THSD7A: variants seen among roughly 807,000 people sequenced by gnomAD.
THSD7A encodes the protein thrombospondin type-1 domain-containing protein 7A.
Under a neutral mutation model 231.3 loss-of-function variants are expected in THSD7A, and 96 were observed. That is an observed-to-expected ratio of 0.41 (90% CI 0.35 to 0.49). THSD7A has a LOEUF of 0.49. Ranked by LOEUF, THSD7A falls within the 20% of genes least tolerant of loss-of-function variation. The pLI is 0.05. For missense variants in THSD7A, 2,290 were observed against 2,070.2 expected (o/e 1.11, Z -2.06); for synonymous variants, 940 against 743.3 (o/e 1.26, Z -4.30).
intron 13 of THSD7A, among the ~76,000 whole-genome samples, chr7:11,445,362 T>C (rs1328799006): frequency 6.6e-6 from 1 of 152,154 alleles, no homozygotes; most frequent in Non-Finnish European, 1.5e-5. Flanking sequence ...TATATTAAGA[T>C]TGAATATATT....
At chr7:11,422,873 G>A (rs1784196640) in intron 16 of THSD7A, among the ~76,000 whole-genome samples, 1 of 152,130 alleles carries the variant, frequency 6.6e-6, no homozygotes. Context: ...GGATGGTCTT[G>A]ATTTCTTGAC....
Position 11,593,235 on chromosome 7 carries a change from C to G in THSD7A, c.1271+19G>C. 2 of 1,612,684 alleles carry G rather than the reference C, an allele frequency of 1.2e-6. No individual in the cohort carries two copies. The highest frequency in any genetic ancestry group is 1.7e-6 in the Non-Finnish European group (2 of 1,179,648). ...AAATGTAGTTTCGGCAGACGCTATA[C>G]CCTTCTTTATTTACTCACGTGGCAC... On this transcript the variant is annotated intron_variant, in intron 3 of 27. Transcript: ENST00000423059.
intron 1 of THSD7A, among the ~76,000 whole-genome samples, chr7:11,725,752 G>T (rs1433410772): frequency 2.0e-5 from 3 of 152,090 alleles, no homozygotes; most frequent in African/African-American, 4.8e-5. Flanking sequence ...ATACGCAGTT[G>T]TGTAAATGTG....
chr7:11,636,988 G>T lies in THSD7A; in HGVS notation c.191-27C>A, dbSNP rs368697325. The T allele has an allele frequency of 1.3e-6, 2 of 1,576,368 alleles. No individual in the cohort carries two copies. The highest frequency in any genetic ancestry group is 1.1e-5 in the South Asian group (1 of 87,412). On this transcript the variant is annotated intron_variant, in intron 1 of 27. Transcript: ENST00000423059. This position sits in a 1 kb window ranked among gnomAD's most constrained non-coding sequence, Gnocchi z 10.0. The stretch of plus-strand genomic sequence containing the variant: ...TACAAAAATTATAACACAAAAATTA[G>T]CAGTGCTACTAGAAGAAAACTACAA...
In THSD7A at chr7:11,503,680, T is replaced by C. The variant is rs554121379; in HGVS notation, c.1823-21698A>G. Among the ~76,000 whole-genome samples, 10 of 152,268 alleles carry C rather than the reference T, an allele frequency of 6.6e-5. No homozygotes were observed. The South Asian group carries it at 1.0e-3, about 16-fold the overall frequency. Reference sequence around the variant, plus strand: ...AACAGACACTTCTCAAAAGAAGACATACATGTGTCCAACAAGCATATGCAA... The same window carrying C: ...AACAGACACTTCTCAAAAGAAGACACACATGTGTCCAACAAGCATATGCAA... On this transcript the variant is annotated intron_variant, in intron 6 of 27. Coordinates refer to ENST00000423059, the MANE Select transcript of THSD7A (RefSeq NM_015204.3).
At chr7:11,546,853 A>G (rs1789421238) in intron 4 of THSD7A, among the ~76,000 whole-genome samples, 1 of 151,914 alleles carries the variant, frequency 6.6e-6, no homozygotes, top group African/African-American at 2.4e-5. Flanking sequence ...CTTTTTTAAG[A>G]AAAAAAACAA....
intron 6 of THSD7A, among the ~76,000 whole-genome samples, chr7:11,524,845 G>C (rs572318029): frequency 7.9e-5 from 12 of 152,244 alleles, no homozygotes; most frequent in Admixed American, 3.9e-4. Context: ...AAATCAACAT[G>C]AAACACTATT....
At chr7:11,611,884 ATCTG>A (rs1299496414) in intron 2 of THSD7A, among the ~76,000 whole-genome samples, 173 of 143,218 alleles carry the variant, frequency 1.2e-3, no homozygotes, top group African/African-American at 3.7e-3. Context: ...CTATCTATCT[ATCTG>A]TCTATCTTTC....
At chr7:11,778,647 T>A (rs1783524185) in intron 1 of THSD7A, among the ~76,000 whole-genome samples, 1 of 152,164 alleles carries the variant, frequency 6.6e-6, no homozygotes, top group Non-Finnish European at 1.5e-5. Flanking sequence ...GTATTAAGAT[T>A]AATATTTACA....
At chr7:11,596,912 A>G (rs1273785750) in intron 2 of THSD7A, among the ~76,000 whole-genome samples, 1 of 152,194 alleles carries the variant, frequency 6.6e-6, no homozygotes, top group Non-Finnish European at 1.5e-5. Flanking sequence ...ATCAGAAGCA[A>G]TTTGCCTTCA....
chr7:11,382,702 G>T, intron 23 of THSD7A, 86 bp from the exon 24 acceptor site: 1 of 998,608 alleles, frequency 1.0e-6, no homozygotes, highest in Non-Finnish European at 1.6e-6. Context: ...ACATATTACT[G>T]AAAAGTAATA....
intron 23 of THSD7A, among the ~76,000 whole-genome samples, chr7:11,392,007 C>T (rs1044161871): frequency 1.7e-4 from 26 of 152,254 alleles, no homozygotes; most frequent in Middle Eastern, 3.4e-3. Context: ...GCATTGATCT[C>T]GCTGGGATCT....
intron 1 of THSD7A, among the ~76,000 whole-genome samples, chr7:11,665,388 T>C (rs1247581888): frequency 6.6e-6 from 1 of 152,080 alleles, no homozygotes; most frequent in East Asian, 1.9e-4. Context: ...TAATAAGTGG[T>C]AAGGTTGAGA....
intron 4 of THSD7A, among the ~76,000 whole-genome samples, chr7:11,551,511 C>A (rs1789625385): frequency 6.6e-6 from 1 of 151,804 alleles, no homozygotes; most frequent in Non-Finnish European, 1.5e-5. Context: ...AATAAACAAC[C>A]CCATTAAAGA....
At position 11,412,793 on chromosome 7, in the gene THSD7A, T is replaced by C; in HGVS notation, c.3545A>G (p.Asn1182Ser). Residue 1182 changes from asparagine (N) to serine (S), a missense_variant, in exon 18 of 28, where the codon AAT (asparagine) becomes AGT (serine). By Grantham distance (46) the Asn-to-Ser change is conservative. Transcript: ENST00000423059. ...TGACCTTTGCCGGAAACTGCTTTGA[T>C]TGCAAGGCTTAAAAAGAACAGTACA... is the stretch of plus-strand genomic sequence containing the variant. ...GPWTQCVLPC[N>S]QSSFRQRSAD... 1 of 1,611,244 alleles carries C rather than the reference T, an allele frequency of 6.2e-7. No individual in the cohort carries two copies. Among genetic ancestry groups the C allele is most frequent in the Non-Finnish European group, 8.5e-7 (1 of 1,178,426 alleles).
At chr7:11,819,206 A>G (rs1784797215) in intron 1 of THSD7A, among the ~76,000 whole-genome samples, 1 of 152,222 alleles carries the variant, frequency 6.6e-6, no homozygotes, top group Non-Finnish European at 1.5e-5. Context: ...GTGGAGAAAT[A>G]GGAACTCTCA....
At chr7:11,616,971 C>T (rs1324020521) in intron 2 of THSD7A, among the ~76,000 whole-genome samples, 1 of 152,006 alleles carries the variant, frequency 6.6e-6, no homozygotes, top group African/African-American at 2.4e-5. Context: ...CAAGGATAAA[C>T]AGAAGAAAAC....
At chr7:11,524,395 G>C (rs1788388943) in intron 6 of THSD7A, among the ~76,000 whole-genome samples, 1 of 152,158 alleles carries the variant, frequency 6.6e-6, no homozygotes. Flanking sequence ...TTCAGCTGGA[G>C]CAGGTTTAAG....
intron 1 of THSD7A, among the ~76,000 whole-genome samples, chr7:11,740,532 G>C (rs1782078573): frequency 6.6e-6 from 1 of 151,832 alleles, no homozygotes; most frequent in African/African-American, 2.4e-5. Flanking sequence ...TCCCAAACAT[G>C]CTGAGCTTCT....
Sources: gnomAD v4.1 joint callset for allele counts (sites outside exome capture counted in the v4.1 genomes callset) on GRCh38, gnomAD v4.1.1 for gene constraint, Gnocchi (gnomAD v3.1) non-coding constraint, MANE v1.5 for transcripts, NCBI Gene and HGNC (gene_info 2026-07-23, HGNC 2026-07-21) for gene names.